GRK4: variants seen among roughly 807,000 people sequenced by gnomAD.
GRK4 encodes the protein G protein-coupled receptor kinase 4.
A neutral mutation model predicts 77.9 loss-of-function variants in GRK4; 73 were observed. The ratio of observed to expected loss-of-function variants is 0.94; its 90% CI spans 0.78 to 1.14. The LOEUF is 1.14. Ranked by LOEUF, GRK4 falls within the 50% of genes most tolerant of loss-of-function variation. GRK4 has a pLI of 0.00. For missense variants in GRK4, 729 were observed against 700.2 expected (o/e 1.04, Z -0.46); for synonymous variants, 257 against 254.4 (o/e 1.01, Z -0.10).
intron 1 of GRK4, among the ~76,000 whole-genome samples, chr4:2,980,561 A>G (rs1045149377): frequency 1.3e-5 from 2 of 151,722 alleles, no homozygotes; most frequent in Admixed American, 1.3e-4. Context: ...GATGAGGCAC[A>G]GGGACTCACT....
intron 2 of GRK4, among the ~76,000 whole-genome samples, chr4:2,988,407 A>G (rs1001058447): frequency 1.3e-5 from 2 of 152,074 alleles, no homozygotes; most frequent in Non-Finnish European, 2.9e-5. Context: ...TAAAAATTGG[A>G]TTGTCTTTTT....
chr4:2,987,290 TA>T, intron 2 of GRK4: 2 of 337,436 alleles, frequency 5.9e-6, no homozygotes, highest in Non-Finnish European at 1.2e-5. Context: ...TGTTGGTGAA[TA>T]ATATTCCATT....
intron 12 of GRK4, among the ~76,000 whole-genome samples, chr4:3,035,148 G>A (rs1177987801): frequency 6.6e-6 from 1 of 152,040 alleles, no homozygotes; most frequent in Non-Finnish European, 1.5e-5. Flanking sequence ...GGGAGGCTGA[G>A]GCAGGAGAAT....
At chr4:3,034,845 C>A (rs181933256) in intron 12 of GRK4, among the ~76,000 whole-genome samples, 1 of 152,158 alleles carries the variant, frequency 6.6e-6, no homozygotes, top group Middle Eastern at 3.4e-3. Flanking sequence ...ATAACATAGC[C>A]GACCCCTTAT....
chr4:2,990,422 A>G (rs148825683), intron 3 of GRK4, among the ~76,000 whole-genome samples: 2,471 of 151,494 alleles, frequency 0.016, 59 homozygotes, highest in African/African-American at 0.057. Flanking sequence ...ACACCCAACT[A>G]ATTTTTGTAT....
At chr4:3,037,083 ATGTGTG>A (rs34216391) in intron 13 of GRK4, among the ~76,000 whole-genome samples, 5 of 140,148 alleles carry the variant, frequency 3.6e-5, no homozygotes, top group Non-Finnish European at 7.8e-5. Context: ...GTGTGTGTGT[ATGTGTG>A]TGTGTGTGTG....
chr4:3,023,229 C>T (rs1056702589), intron 10 of GRK4, among the ~76,000 whole-genome samples: 5 of 152,170 alleles, frequency 3.3e-5, no homozygotes, highest in African/African-American at 1.2e-4. Context: ...TTGTCTGCAG[C>T]ATGGGTGCAC....
At position 2,963,876 on chromosome 4, in the gene GRK4, G is replaced by T. The variant is rs1352533019; in HGVS notation, c.-195G>T. ...CCCCGACCGCTCCCCTGCTGGTGAG[G>T]GCCTGCGGAGGCGGCGGCGGCGGCG... On this transcript the variant is annotated 5_prime_UTR_variant, in exon 1 of 16. Coordinates refer to ENST00000398052, the MANE Select transcript of GRK4 (RefSeq NM_182982.3). 1.2e-5 allele frequency: 8 copies of T among 646,478 alleles called. No homozygotes were observed. 40.0% of individuals were successfully genotyped at this position (646,478 alleles called of 1,614,324 possible).
Position 2,985,721 on chromosome 4 carries a change from G to A in GRK4, c.148+1113G>A, listed in dbSNP as rs149280395. 48 of 320,586 alleles carry A rather than the reference G, an allele frequency of 1.5e-4. 1 individual carries two copies. In the East Asian group the frequency reaches 5.3e-3, roughly 35 times the overall value. 19.9% of individuals were successfully genotyped at this position (320,586 alleles called of 1,614,324 possible). A position where few individuals can be genotyped will look rare whatever the true frequency, so the allele number is the denominator to read the frequency against. On this transcript the variant is annotated intron_variant, in intron 2 of 15. Transcript: ENST00000398052. ...CCTAAGGAGTCAGATACAGAAGGCC[G>A]GGTGTGGTGGCTCACGCCCGTAATC...
chr4:3,015,912 A>AT (rs60758953), intron 8 of GRK4, among the ~76,000 whole-genome samples: 317 of 139,844 alleles, frequency 2.3e-3, no homozygotes, highest in East Asian at 9.6e-3. Flanking sequence ...CCATCACCCT[A>AT]TTTTTTTTTT....
At chr4:3,035,188 T>C (rs1346077414) in intron 12 of GRK4, among the ~76,000 whole-genome samples, 198 bp from the exon 13 acceptor site, 2 of 151,718 alleles carry the variant, frequency 1.3e-5, no homozygotes, top group Non-Finnish European at 2.9e-5. Flanking sequence ...GAGCTTGCAG[T>C]GAGCCGAGAT....
chr4:3,002,732 G>A (rs6840149), intron 4 of GRK4, among the ~76,000 whole-genome samples: 1,536 of 152,104 alleles, frequency 0.01, 27 homozygotes, highest in African/African-American at 0.036. Context: ...GGTGGCATGC[G>A]CCCATAGTCC....
At chr4:2,968,399 C>T (rs1718435533) in intron 1 of GRK4, among the ~76,000 whole-genome samples, 1 of 152,154 alleles carries the variant, frequency 6.6e-6, no homozygotes, top group Non-Finnish European at 1.5e-5. Context: ...AATGCTGTCT[C>T]TTGCTGAGGC....
intron 1 of GRK4, among the ~76,000 whole-genome samples, chr4:2,979,998 G>A (rs146922122): frequency 2.6e-5 from 4 of 152,334 alleles, no homozygotes; most frequent in Admixed American, 2.0e-4. Flanking sequence ...GGTTATTTTA[G>A]ACACTCCTCC....
intron 10 of GRK4, among the ~76,000 whole-genome samples, chr4:3,025,614 G>A (rs1039815256): frequency 1.3e-5 from 2 of 151,518 alleles, no homozygotes; most frequent in Admixed American, 6.6e-5. Flanking sequence ...GGATGGTCTC[G>A]ATCTCCTGAC....
chr4:3,027,503 T>C (rs1483604462), intron 10 of GRK4, among the ~76,000 whole-genome samples: 1 of 152,244 alleles, frequency 6.6e-6, no homozygotes, highest in Non-Finnish European at 1.5e-5. Flanking sequence ...ATATCATTCA[T>C]GTGTAGCTGT....
rs1230794465 is a variant in GRK4 at position 2,984,641 on chromosome 4, G to A, written c.148+33G>A. On this transcript the variant is annotated intron_variant, in intron 2 of 15. Transcript: ENST00000398052. ...AATAGTGCCTACTAATGCTTGGATG[G>A]TACATCTGGCATGATACCATTCATT... 15 of 1,181,752 alleles carry A rather than the reference G, an allele frequency of 1.3e-5. No homozygotes were observed. In the Admixed American group the frequency reaches 2.7e-4, roughly 22 times the overall value. 73.2% of individuals were successfully genotyped at this position (1,181,752 alleles called of 1,614,324 possible).
At chr4:3,034,734 C>T (rs1740108783) in intron 12 of GRK4, among the ~76,000 whole-genome samples, 1 of 152,130 alleles carries the variant, frequency 6.6e-6, no homozygotes, top group Non-Finnish European at 1.5e-5. Context: ...AAGTGGTTGC[C>T]TCATCTGAGG....
intron 1 of GRK4, chr4:2,969,190 C>T (rs755689538): frequency 2.6e-5 from 4 of 152,176 alleles, no homozygotes; most frequent in Non-Finnish European, 4.4e-5. Context: ...GGAGCGATTG[C>T]AGAGAATCCT....
Sources: allele counts gnomAD v4.1 joint callset (sites outside exome capture counted in the v4.1 genomes callset), GRCh38; gene constraint gnomAD v4.1.1; transcripts MANE v1.5; gene names NCBI Gene and HGNC (gene_info 2026-07-23, HGNC 2026-07-21).